Variants in CNTN1 observed in about 807,000 individuals in gnomAD.
CNTN1 encodes contactin-1.
A neutral mutation model predicts 126.4 loss-of-function variants in CNTN1; 38 were observed. The ratio of observed to expected loss-of-function variants is 0.30; its 90% CI spans 0.23 to 0.39. The LOEUF (loss-of-function observed/expected upper bound fraction) is 0.39. CNTN1 is among the 10% of genes least tolerant of loss of function. The pLI, the probability that CNTN1 is intolerant of heterozygous loss-of-function variation, is 1.00. For missense variants in CNTN1, 1,009 were observed against 1,248.4 expected (o/e 0.81, Z 2.89); for synonymous variants, 413 against 422.6 (o/e 0.98, Z 0.28).
At chr12:40,803,120 AATTTTTC>A (rs1319091548) in intron 1 of CNTN1, among the ~76,000 whole-genome samples, 5 of 152,062 alleles carry the variant, frequency 3.3e-5, no homozygotes, top group African/African-American at 9.6e-5. Flanking sequence ...GCTCAACTTT[AATTTTTC>A]AGTCAGAATT....
At chr12:40,995,794 A>T (rs1057192768) in intron 17 of CNTN1, among the ~76,000 whole-genome samples, 3 of 152,218 alleles carry the variant, frequency 2.0e-5, no homozygotes, top group Non-Finnish European at 4.4e-5. Context: ...TTAATCTATC[A>T]TCAGAAAATA....
intron 1 of CNTN1, among the ~76,000 whole-genome samples, chr12:40,735,417 G>A (rs1596512): frequency 0.99 from 150,011 of 152,190 alleles, 73,956 homozygotes; most frequent in Middle Eastern, 1. Flanking sequence ...GGCAATGGGC[G>A]TCGTTCCCAC....
chr12:40,996,714 T>C (rs1269959097), intron 17 of CNTN1, among the ~76,000 whole-genome samples: 4 of 152,228 alleles, frequency 2.6e-5, no homozygotes, highest in African/African-American at 9.6e-5. Flanking sequence ...TCAATAATCT[T>C]TTAAAAGTCA....
rs1057117271 is a variant in CNTN1 at position 40,761,576 on chromosome 12, A to G, written c.-77+68984A>G. Among the ~76,000 whole-genome samples, 4 of 152,094 alleles carry G rather than the reference A, an allele frequency of 2.6e-5. No homozygotes were observed. The South Asian group carries it at 8.3e-4, about 32-fold the overall frequency. On this transcript the variant is annotated intron_variant, in intron 1 of 23. Transcript: ENST00000551295. ...TTAGATAGATCAGCTTAAATACTTT[A>G]AAAGGTAAGGTTTTTTTAAAAATCT...
chr12:40,698,829 C>G (rs1351233527), intron 1 of CNTN1, among the ~76,000 whole-genome samples: 1 of 152,122 alleles, frequency 6.6e-6, no homozygotes, highest in Non-Finnish European at 1.5e-5. Context: ...GATTCATTTT[C>G]TGATTAATCA....
intron 14 of CNTN1, among the ~76,000 whole-genome samples, chr12:40,949,639 C>T (rs1282373923): frequency 8.6e-5 from 11 of 127,608 alleles, no homozygotes; most frequent in South Asian, 5.3e-4. Context: ...AGTGCAATGA[C>T]GCAATCTCGG....
intron 16 of CNTN1, among the ~76,000 whole-genome samples, chr12:40,987,942 T>A (rs1948001686): frequency 6.6e-6 from 1 of 152,104 alleles, no homozygotes; most frequent in African/African-American, 2.4e-5. Flanking sequence ...ATCCTTTTTT[T>A]TTTTTTGCCT....
Position 41,016,841 on chromosome 12 carries a change from G to T in CNTN1, c.2344G>T (p.Val782Phe), listed in dbSNP as rs1193911763. The T allele has an allele frequency of 6.2e-7, 1 of 1,614,020 alleles. No individual in the cohort carries two copies. The highest frequency in any genetic ancestry group is 8.5e-7 in the Non-Finnish European group (1 of 1,180,022). The change falls in exon 19 of 24, where the codon GTT becomes TTT. Residue 782 changes from valine (V) to phenylalanine (F), a missense_variant. By Grantham distance (50) the Val-to-Phe change is conservative. Coordinates refer to ENST00000551295, the MANE Select transcript of CNTN1 (RefSeq NM_001843.4). ...ETMSPSTAFQVKVKAFNNKGD... is the reference protein window; with the variant it reads ...ETMSPSTAFQFKVKAFNNKGD... ...CATGAGCCCTTCCACTGCATTTCAA[G>T]TTAAAGTCAAGGCCTTCAACAACAA...
intron 14 of CNTN1, among the ~76,000 whole-genome samples, chr12:40,955,924 G>A (rs1320919403): frequency 6.6e-6 from 1 of 152,054 alleles, no homozygotes; most frequent in Non-Finnish European, 1.5e-5. Flanking sequence ...AAGTTTTGAC[G>A]TGAGAACACA....
At position 41,071,073 on chromosome 12, in the gene CNTN1, GT is replaced by G. The variant is rs1045884362; in HGVS notation, c.*1039del. 21 of 146,016 alleles carry G rather than the reference GT, an allele frequency of 1.4e-4. No homozygotes were observed. Among genetic ancestry groups the G allele is most frequent in the African/African-American group, 4.2e-4 (17 of 40,148 alleles). The allele number at this position is 146,016 out of a possible 1,614,324, so 9.0% of individuals were successfully genotyped here. A position where few individuals can be genotyped will look rare whatever the true frequency, so the allele number is the denominator to read the frequency against. On this transcript the variant is annotated 3_prime_UTR_variant, in exon 24 of 24. Transcript: ENST00000551295. Reference sequence around the variant, plus strand: ...TGAAAAAGCTACCGTATTCCATTTTGTAAAAATAACAATAATAATAATAATA... The same window carrying G: ...TGAAAAAGCTACCGTATTCCATTTTGAAAAATAACAATAATAATAATAATA...
intron 14 of CNTN1, among the ~76,000 whole-genome samples, chr12:40,950,140 G>A (rs1308189932): frequency 8.8e-6 from 1 of 113,490 alleles, no homozygotes; most frequent in Non-Finnish European, 1.9e-5. Flanking sequence ...GTGTGTGTGT[G>A]TGTATTGCAT....
intron 16 of CNTN1, among the ~76,000 whole-genome samples, chr12:40,992,205 G>A (rs555729891): frequency 2.9e-4 from 44 of 152,296 alleles, no homozygotes; most frequent in Non-Finnish European, 5.1e-4. Flanking sequence ...GGTGAGATGG[G>A]ACAGTCTGAG....
At chr12:41,064,188 A>C (rs1331405975) in intron 23 of CNTN1, among the ~76,000 whole-genome samples, 1 of 151,920 alleles carries the variant, frequency 6.6e-6, no homozygotes, top group African/African-American at 2.4e-5. Flanking sequence ...AAAAAAAAAA[A>C]AACAATGTGA....
intron 15 of CNTN1, among the ~76,000 whole-genome samples, chr12:40,978,185 C>A (rs1289338733): frequency 6.6e-6 from 1 of 151,986 alleles, no homozygotes; most frequent in African/African-American, 2.4e-5. Flanking sequence ...AAGAAACTTG[C>A]CCAAGATAAA....
At position 41,060,664 on chromosome 12, in the gene CNTN1, C is replaced by CCTAATAAA. The variant is rs1186961262; in HGVS notation, c.2981-9292_2981-9285dup. Among the ~76,000 whole-genome samples, 7 of 152,264 alleles carry CCTAATAAA rather than the reference C, an allele frequency of 4.6e-5. No homozygotes were observed. The East Asian group carries it at 1.4e-3, about 29-fold the overall frequency. On this transcript the variant is annotated intron_variant, in intron 23 of 23. Transcript: ENST00000551295. ...TTTCCAAAGCCAAGTGCACAGATTA[C>CCTAATAAA]CTAATAAACTGGCTCTGGTTGTTGG...
chr12:40,842,413 C>A (rs761295428), intron 1 of CNTN1, among the ~76,000 whole-genome samples: 1 of 151,890 alleles, frequency 6.6e-6, no homozygotes, highest in East Asian at 1.9e-4. Flanking sequence ...GTTCCCAACA[C>A]GAAAGAAAAC....
intron 1 of CNTN1, among the ~76,000 whole-genome samples, chr12:40,788,923 C>A (rs1940126646): frequency 6.6e-6 from 1 of 152,094 alleles, no homozygotes; most frequent in African/African-American, 2.4e-5. Flanking sequence ...TTAATTTTCT[C>A]TCGTGTTCGA....
chr12:41,024,589 C>A (rs757526905), intron 20 of CNTN1, among the ~76,000 whole-genome samples: 18 of 151,918 alleles, frequency 1.2e-4, no homozygotes, highest in Admixed American at 2.6e-4. Context: ...AGATATATTT[C>A]TTTGATATCT....
chr12:40,999,831 T>C (rs779015584), intron 17 of CNTN1, among the ~76,000 whole-genome samples: 4 of 151,216 alleles, frequency 2.6e-5, no homozygotes, highest in Non-Finnish European at 5.9e-5. Context: ...GCCTTCCAAG[T>C]AGCTGGGACT....
Sources: gnomAD v4.1 joint callset for allele counts (sites outside exome capture counted in the v4.1 genomes callset) on GRCh38, gnomAD v4.1.1 for gene constraint, MANE v1.5 for transcripts, NCBI Gene and HGNC (gene_info 2026-07-23, HGNC 2026-07-21) for gene names.